Variants in ZNF804B observed in about 807,000 individuals in gnomAD.
ZNF804B encodes zinc finger 804B.
Under a neutral mutation model 101.4 loss-of-function variants are expected in ZNF804B, and 80 were observed. That is an observed-to-expected ratio of 0.79 (90% confidence interval 0.66 to 0.95). The LOEUF (loss-of-function observed/expected upper bound fraction) is 0.95. Ranked by LOEUF, ZNF804B falls within the 40% of genes least tolerant of loss-of-function variation. The pLI, the probability that ZNF804B is intolerant of heterozygous loss-of-function variation, is 0.00. For synonymous variants in ZNF804B, 622 were observed against 558.8 expected (o/e 1.11, Z -1.59); for missense variants, 1,673 against 1,561.9 (o/e 1.07, Z -1.20).
intron 2 of ZNF804B, among the ~76,000 whole-genome samples, chr7:89,283,764 T>C (rs919086309): frequency 1.8e-4 from 28 of 152,176 alleles, no homozygotes; most frequent in African/African-American, 6.7e-4. Context: ...AATTATCCTA[T>C]ATATACATAC....
At chr7:89,215,916 T>G (rs1788887952) in intron 1 of ZNF804B, among the ~76,000 whole-genome samples, 1 of 150,118 alleles carries the variant, frequency 6.7e-6, no homozygotes, top group Admixed American at 6.6e-5. Context: ...AATAAATAAA[T>G]AAATAAATAA....
chr7:89,136,642 T>C (rs538347183), intron 1 of ZNF804B, among the ~76,000 whole-genome samples: 1 of 152,262 alleles, frequency 6.6e-6, no homozygotes, highest in East Asian at 1.9e-4. Flanking sequence ...ATCTGGCTTA[T>C]TTCACTTAGC....
chr7:88,892,616 C>G (rs1033277923), intron 1 of ZNF804B, among the ~76,000 whole-genome samples: 7 of 152,086 alleles, frequency 4.6e-5, no homozygotes, highest in Admixed American at 6.6e-5. Context: ...TTTGAGATTC[C>G]TAAAAAGGCA....
chr7:89,248,805 G>A lies in ZNF804B; in HGVS notation c.249+30510G>A, dbSNP rs1324509544. ...GTATCAATATTAATCTTGAATGTAG[G>A]CTAAATGCCCCCCTTGAAAGTCATA... On this transcript the variant is annotated intron_variant, in intron 2 of 3. Coordinates refer to ENST00000333190, the MANE Select transcript of ZNF804B (RefSeq NM_181646.5). Among the ~76,000 whole-genome samples, 4 of 152,024 alleles carry A rather than the reference G, an allele frequency of 2.6e-5. No individual in the cohort carries two copies. In the East Asian group the frequency reaches 7.8e-4, roughly 29 times the overall value.
intron 1 of ZNF804B, among the ~76,000 whole-genome samples, chr7:89,182,933 T>A (rs538930864): frequency 6.6e-6 from 1 of 152,292 alleles, no homozygotes; most frequent in South Asian, 2.1e-4. Flanking sequence ...CTGGAATGAA[T>A]GCATTATCTG....
At chr7:89,299,290 C>T (rs188233586) in intron 2 of ZNF804B, among the ~76,000 whole-genome samples, 2 of 151,932 alleles carry the variant, frequency 1.3e-5, no homozygotes, top group Admixed American at 1.3e-4. Context: ...TATGTTATGT[C>T]CTATTATCAG....
intron 1 of ZNF804B, among the ~76,000 whole-genome samples, chr7:89,151,525 G>C (rs745509725): frequency 6.6e-6 from 1 of 152,082 alleles, no homozygotes; most frequent in Non-Finnish European, 1.5e-5. Flanking sequence ...ACTGAGAAGA[G>C]AGACCATGGA....
At chr7:88,824,601 A>AT (rs1272208426) in intron 1 of ZNF804B, among the ~76,000 whole-genome samples, 1 of 152,152 alleles carries the variant, frequency 6.6e-6, no homozygotes, top group East Asian at 1.9e-4. Flanking sequence ...CTTCAAATCA[A>AT]TGTTGTTTAA....
rs778201335 is a variant in ZNF804B, at chr7:89,327,411, A to G, written c.317A>G (p.Lys106Arg). The change falls in exon 3 of 4, where the codon AAA (lysine) becomes AGA (arginine). Residue 106 changes from lysine to arginine, a missense_variant. Physicochemically the swap from Lys to Arg is conservative, Grantham distance 26. Coordinates refer to ENST00000333190, the MANE Select transcript of ZNF804B (RefSeq NM_181646.5). ...GCTTCTAAGTCATGGAAAGATGAGA[A>G]AAAACAAGAAAAAGCACTTAAACGA... ...NVASKSWKDEKKQEKALKRLH... is the reference protein window; with the variant it reads ...NVASKSWKDERKQEKALKRLH... 1 of 1,611,678 alleles carries G rather than the reference A, an allele frequency of 6.2e-7. No homozygotes were observed. Among genetic ancestry groups the G allele is most frequent in the East Asian group, 2.2e-5 (1 of 44,706 alleles).
chr7:88,948,590 A>T (rs752441284), intron 1 of ZNF804B, among the ~76,000 whole-genome samples: 1 of 152,012 alleles, frequency 6.6e-6, no homozygotes, highest in Non-Finnish European at 1.5e-5. Flanking sequence ...TACCTGGCCC[A>T]TGCCACCAGC....
intron 1 of ZNF804B, among the ~76,000 whole-genome samples, chr7:89,111,654 T>C (rs1480819622): frequency 6.6e-6 from 1 of 152,166 alleles, no homozygotes; most frequent in African/African-American, 2.4e-5. Context: ...TTTCTCTCAG[T>C]CTGTAGCTTA....
chr7:89,192,075 G>T (rs1268170337), intron 1 of ZNF804B, among the ~76,000 whole-genome samples: 1 of 152,026 alleles, frequency 6.6e-6, no homozygotes, highest in Non-Finnish European at 1.5e-5. Context: ...TTATTAGGAG[G>T]ATGAAAAATA....
intron 1 of ZNF804B, among the ~76,000 whole-genome samples, chr7:88,801,965 A>T (rs191732709): frequency 3.9e-5 from 6 of 152,172 alleles, no homozygotes; most frequent in African/African-American, 1.2e-4. Flanking sequence ...CTCATTTCGA[A>T]TTGTAATCTC....
chr7:88,841,668 A>T (rs956365234), intron 1 of ZNF804B, among the ~76,000 whole-genome samples: 15 of 152,176 alleles, frequency 9.9e-5, no homozygotes, highest in African/African-American at 3.6e-4. Flanking sequence ...AAAATTATTC[A>T]ACCTGAGGGT....
chr7:89,177,867 A>G (rs1027571612), intron 1 of ZNF804B, among the ~76,000 whole-genome samples: 2 of 151,986 alleles, frequency 1.3e-5, no homozygotes, highest in African/African-American at 4.8e-5. Flanking sequence ...CCTGGGAGGC[A>G]GAGCTTACAG....
chr7:88,929,924 A>G (rs901252055), intron 1 of ZNF804B, among the ~76,000 whole-genome samples: 2 of 151,856 alleles, frequency 1.3e-5, no homozygotes, highest in African/African-American at 4.8e-5. Flanking sequence ...ACGACTAAGC[A>G]TTTTTTCTCG....
At chr7:89,168,997 C>G (rs2158141) in intron 1 of ZNF804B, among the ~76,000 whole-genome samples, 31,158 of 151,978 alleles carry the variant, frequency 0.21, 3,410 homozygotes, top group Middle Eastern at 0.39. Context: ...TGTTATAGCT[C>G]TATTAGAAGC....
intron 1 of ZNF804B, among the ~76,000 whole-genome samples, chr7:89,099,413 T>A (rs767710808): frequency 1.1e-4 from 17 of 152,288 alleles, no homozygotes; most frequent in Non-Finnish European, 5.9e-5. Flanking sequence ...TTTGGGTACA[T>A]GGTTTAAAAT....
intron 1 of ZNF804B, among the ~76,000 whole-genome samples, chr7:88,842,981 TTAAA>T (rs899553917): frequency 6.6e-6 from 1 of 152,220 alleles, no homozygotes; most frequent in Non-Finnish European, 1.5e-5. Context: ...TCTATAATCC[TTAAA>T]TTATAGGAAA....
Sources: gnomAD v4.1 joint callset for allele counts (sites outside exome capture counted in the v4.1 genomes callset) on GRCh38, gnomAD v4.1.1 for gene constraint, MANE v1.5 for transcripts, NCBI Gene and HGNC (gene_info 2026-07-23, HGNC 2026-07-21) for gene names.